The following KIF1B variants were observed in gnomAD, a reference collection of about 807,000 sequenced individuals.
The protein encoded by KIF1B is kinesin-like protein KIF1B.
In KIF1B, 76 loss-of-function variants were observed where a neutral mutation model predicts 241.9. The ratio of observed to expected loss-of-function variants is 0.31; its 90% confidence interval spans 0.26 to 0.38. The LOEUF is 0.38. Ranked by LOEUF, KIF1B falls within the 10% of genes least tolerant of loss-of-function variation. The pLI is 1.00. For synonymous variants in KIF1B, 750 were observed against 796.7 expected, an observed-to-expected ratio of 0.94 and a Z score of 0.99; for missense variants, 1,622 against 2,271.4, an observed-to-expected ratio of 0.71 and a Z score of 5.81.
At chr1:10,245,278 T>G (rs1048442464) in intron 2 of KIF1B, among the ~76,000 whole-genome samples, 3 of 152,186 alleles carry the variant, frequency 2.0e-5, no homozygotes, top group Non-Finnish European at 4.4e-5. Context: ...GGGGGTAAAA[T>G]TAGGGAATTT....
intron 22 of KIF1B, chr1:10,305,223 C>T: frequency 9.6e-7 from 1 of 1,044,152 alleles, no homozygotes; most frequent in Non-Finnish European, 1.2e-6. Flanking sequence ...CAATACATAG[C>T]TTTGCATCTT....
In KIF1B at chr1:10,381,248, C is replaced by G; in HGVS notation, c.*4661C>G. 1 of 225,626 alleles carries G rather than the reference C, an allele frequency of 4.4e-6. No individual in the cohort carries two copies. Among genetic ancestry groups the G allele is most frequent in the East Asian group, 6.4e-5 (1 of 15,534 alleles). 14.0% of individuals were successfully genotyped at this position (225,626 alleles called of 1,614,324 possible). On this transcript the variant is annotated 3_prime_UTR_variant, in exon 49 of 49. Coordinates refer to ENST00000676179, the MANE Select transcript of KIF1B (RefSeq NM_001365951.3). ...GTACCTGTCTGTTGAGATTTCAAGT[C>G]TCTTGTCACCATCCTCACACATGAC... is the stretch of plus-strand genomic sequence containing the variant.
intron 2 of KIF1B, among the ~76,000 whole-genome samples, chr1:10,254,642 C>CGGGCGGGCA (rs1647656200): frequency 1.3e-5 from 2 of 151,720 alleles, no homozygotes; most frequent in Non-Finnish European, 2.9e-5. Flanking sequence ...TTTGGGAGGC[C>CGGGCGGGCA]GAGGCGGGTG....
In KIF1B at chr1:10,303,373, G is replaced by C. The variant is rs1650638736; in HGVS notation, c.2115+6127G>C. ...GCGCTTGAGTAAAGATTCCAAGTGG[G>C]TCACAATCTCAGATCTTAAAATTCA... On this transcript the variant is annotated intron_variant, in intron 22 of 48. Transcript: ENST00000676179. This position sits in a 1 kb window ranked among gnomAD's most constrained non-coding sequence, Gnocchi z 5.2. 6.2e-7 allele frequency: 1 copy of C among 1,614,190 alleles called. No homozygotes were observed. Among genetic ancestry groups the C allele is most frequent in the Non-Finnish European group, 8.5e-7 (1 of 1,180,040 alleles).
Position 10,238,569 on chromosome 1 carries a change from G to T in KIF1B, c.106+6135G>T, listed in dbSNP as rs1032764859. ...AAATACAAAAAATTAGCTGAGCATG[G>T]TGGTGCGCGCCTGTGGTTGCAGCTA... On this transcript the variant is annotated intron_variant, in intron 2 of 48. Transcript: ENST00000676179. Among the ~76,000 whole-genome samples, 3 of 151,746 alleles carry T rather than the reference G, an allele frequency of 2.0e-5. No individual in the cohort carries two copies. The South Asian group carries it at 6.3e-4, about 32-fold the overall frequency.
chr1:10,308,727 T>C, intron 22 of KIF1B: 1 of 699,514 alleles, frequency 1.4e-6, no homozygotes, highest in Non-Finnish European at 1.8e-6. Context: ...CTTTTTGATA[T>C]TTCTATGTGA....
chr1:10,282,942 C>T (rs1649486667), intron 15 of KIF1B, among the ~76,000 whole-genome samples: 2 of 152,244 alleles, frequency 1.3e-5, no homozygotes, highest in South Asian at 4.1e-4. Context: ...TGCAGTGGCT[C>T]ACGCCTGTAA....
intron 45 of KIF1B, among the ~76,000 whole-genome samples, chr1:10,373,025 C>T (rs1638789331): frequency 6.6e-6 from 1 of 151,206 alleles, no homozygotes. Context: ...CCATTTTGGT[C>T]AGGCTAGTCT....
At chr1:10,222,414 C>T (rs1215016709) in intron 1 of KIF1B, among the ~76,000 whole-genome samples, 2 of 152,264 alleles carry the variant, frequency 1.3e-5, no homozygotes, top group Middle Eastern at 6.8e-3. Flanking sequence ...TTAGGTTATG[C>T]TCTGAGGCTG....
chr1:10,277,379 A>G (rs1404991995), intron 12 of KIF1B, among the ~76,000 whole-genome samples: 1 of 152,106 alleles, frequency 6.6e-6, no homozygotes, highest in African/African-American at 2.4e-5. Context: ...ATGTGGCCCA[A>G]GCTGGAGTGC....
intron 45 of KIF1B, among the ~76,000 whole-genome samples, chr1:10,372,664 CT>C (rs1638774848): frequency 8.2e-6 from 1 of 122,358 alleles, no homozygotes; most frequent in South Asian, 3.1e-4. Context: ...GGTGACAGAG[CT>C]GTCACCCAAG....
Position 10,304,515 on chromosome 1 carries a change from G to A in KIF1B, c.2115+7269G>A, listed in dbSNP as rs757276577. On this transcript the variant is annotated intron_variant, in intron 22 of 48. Transcript: ENST00000676179. ...ATTATAACACTGGAGGTCAGTTAGAGGGCAATGCAGCCACTTCCTATCAGA... is the reference window on the plus strand; with the variant it reads ...ATTATAACACTGGAGGTCAGTTAGAAGGCAATGCAGCCACTTCCTATCAGA... The A allele has an allele frequency of 1.6e-5, 26 of 1,613,612 alleles. No individual in the cohort carries two copies. In the South Asian group the frequency reaches 2.6e-4, roughly 16 times the overall value.
At chr1:10,219,699 T>C (rs1646815335) in intron 1 of KIF1B, among the ~76,000 whole-genome samples, 1 of 143,870 alleles carries the variant, frequency 7.0e-6, no homozygotes, top group African/African-American at 2.6e-5. Flanking sequence ...CAGAGGTTGT[T>C]GTAAGCTGAG....
At chr1:10,301,973 C>CTG (rs1385670473) in intron 22 of KIF1B, among the ~76,000 whole-genome samples, 1 of 152,168 alleles carries the variant, frequency 6.6e-6, no homozygotes, top group Non-Finnish European at 1.5e-5. Context: ...GCAAAGACAG[C>CTG]TGGAAAGACA....
In KIF1B at chr1:10,267,414, G is replaced by A. The variant is rs752393884; in HGVS notation, c.464G>A (p.Arg155Gln). 2 of 1,614,184 alleles carry A rather than the reference G, an allele frequency of 1.2e-6. No individual in the cohort carries two copies. The highest frequency in any genetic ancestry group is 1.7e-6 in the Non-Finnish European group (2 of 1,180,000). The change falls in exon 6 of 49, where the codon CGA becomes CAA. Residue 155 changes from arginine to glutamine, a missense_variant. Physicochemically the swap from Arg to Gln is conservative, Grantham distance 43. Around this residue, in one of 7 missense-constraint regions of KIF1B, gnomAD observed 156 missense variants for 244.8 expected, o/e 0.64. Coordinates refer to ENST00000676179, the MANE Select transcript of KIF1B (RefSeq NM_001365951.3). ...ATGGAAATTTACTGTGAAAGAGTAC[G>A]AGATTTGCTGAATCCAAAAAACAAG... ...SYMEIYCERV[R>Q]DLLNPKNKGN...
rs1338989617 is a variant in KIF1B, at chr1:10,348,425, G to T, written c.3865-224G>T. On this transcript the variant is annotated intron_variant, in intron 36 of 48. Coordinates refer to ENST00000676179, the MANE Select transcript of KIF1B (RefSeq NM_001365951.3). ...TTATTCTTAAAACCATAGAGAAAAA[G>T]AATTTTTTAAAAAAGAAAAGAAAAC... is the stretch of plus-strand genomic sequence containing the variant. Among the ~76,000 whole-genome samples the T allele has an allele frequency of 3.9e-5, 6 of 152,170 alleles. No individual in the cohort carries two copies. In the East Asian group the frequency reaches 1.2e-3, roughly 29 times the overall value.
chr1:10,215,172 ATTTTTT>A (rs1166683802), intron 1 of KIF1B, among the ~76,000 whole-genome samples: 9 of 45,358 alleles, frequency 2.0e-4, no homozygotes, highest in East Asian at 7.5e-4. Flanking sequence ...ATATATATAT[ATTTTTT>A]TTTTTTTTTT....
At chr1:10,323,806 TG>T (rs1269141444) in intron 24 of KIF1B, 77 bp from the exon 25 acceptor site, 3 of 1,189,470 alleles carry the variant, frequency 2.5e-6, no homozygotes, top group Non-Finnish European at 3.8e-6. Context: ...TCTTTCCCAT[TG>T]GGTATGATTG....
At chr1:10,277,189 T>C (rs1342734995) in intron 12 of KIF1B, among the ~76,000 whole-genome samples, 1 of 151,736 alleles carries the variant, frequency 6.6e-6, no homozygotes, top group East Asian at 1.9e-4. Flanking sequence ...TGTGCACCTG[T>C]AGTCCTAGCT....
Sources: allele counts gnomAD v4.1 joint callset (sites outside exome capture counted in the v4.1 genomes callset), GRCh38; gene constraint gnomAD v4.1.1; regional missense constraint gnomAD v4.1.1; non-coding constraint Gnocchi (gnomAD v3.1); transcripts MANE v1.5; gene names NCBI Gene and HGNC (gene_info 2026-07-23, HGNC 2026-07-21).